Variants in CNTFR observed in about 807,000 individuals in gnomAD.
CNTFR encodes the protein ciliary neurotrophic factor receptor.
CNTFR carries 12 observed loss-of-function variants against 40.4 expected under a neutral mutation model. That is an observed-to-expected ratio of 0.30 (90% CI 0.19 to 0.48). CNTFR has a LOEUF of 0.48. Ranked by LOEUF, CNTFR falls within the 20% of genes least tolerant of loss-of-function variation. The pLI is 0.99. For missense variants in CNTFR, 414 were observed against 506.8 expected (o/e 0.82, Z 1.76); for synonymous variants, 202 against 209.6 (o/e 0.96, Z 0.31).
At chr9:34,590,164 GCGCA>G, upstream of CNTFR, 2 of 145,184 alleles carry the variant, frequency 1.4e-5, no homozygotes, top group Non-Finnish European at 2.9e-5. Flanking sequence ...AAACGCGCGC[GCGCA>G]CACACACACA....
chr9:34,558,054 T>G (rs1384524870), intron 4 of CNTFR, 70 bp from the exon 5 acceptor site: 1 of 1,115,244 alleles, frequency 9.0e-7, no homozygotes, highest in Non-Finnish European at 1.2e-6. Context: ...TGGGGACAGG[T>G]GGGCCCCAGA....
chr9:34,558,003 TG>T lies in CNTFR; in HGVS notation c.320-20del, dbSNP rs1331889232. 9 of 1,503,154 alleles carry T rather than the reference TG, an allele frequency of 6.0e-6. No homozygotes were observed. The highest frequency in any genetic ancestry group is 8.0e-6 in the Non-Finnish European group (9 of 1,119,502). The allele number at this position is 1,503,154 out of a possible 1,614,324, so 93.1% of individuals were successfully genotyped here. A position where few individuals can be genotyped will look rare whatever the true frequency, so the allele number is the denominator to read the frequency against. On this transcript the variant is annotated intron_variant, in intron 4 of 9. Coordinates refer to ENST00000378980, the MANE Select transcript of CNTFR (RefSeq NM_147164.3). ...GGCGGCACTGGGGGTGAGGACAGTA[TG>T]GTCAGGGCATTCTTGGAGCTCCCAG... is the stretch of plus-strand genomic sequence containing the variant.
At chr9:34,560,038 C>T (rs963073795) in intron 4 of CNTFR, among the ~76,000 whole-genome samples, 11 of 152,240 alleles carry the variant, frequency 7.2e-5, no homozygotes, top group African/African-American at 2.2e-4. Flanking sequence ...GCTACTCCTG[C>T]CTGGCCCTGG....
At position 34,557,893 on chromosome 9, in the gene CNTFR, A is replaced by G; in HGVS notation, c.411T>C (p.Ile137=). The G allele has an allele frequency of 6.4e-7, 1 of 1,571,178 alleles. No individual in the cohort carries two copies. The highest frequency in any genetic ancestry group is 8.6e-7 in the Non-Finnish European group (1 of 1,157,518). ...GCACAGTCACATTGAAGGTGTTGGGAATGTAGGTGGGGGTGGGCAGATGCC... is the reference window on the plus strand; with the variant it reads ...GCACAGTCACATTGAAGGTGTTGGGGATGTAGGTGGGGGTGGGCAGATGCC... ...CSWHLPTPTY[I]PNTFNVTVLH... Residue 137 remains isoleucine (I), a synonymous_variant, in exon 5 of 10, where the codon ATT becomes ATC. Coordinates refer to ENST00000378980, the MANE Select transcript of CNTFR (RefSeq NM_147164.3). This position sits in a 1 kb window ranked among gnomAD's most constrained non-coding sequence, Gnocchi z 4.2.
At chr9:34,555,147 AG>A (rs1825783686) in intron 7 of CNTFR, among the ~76,000 whole-genome samples, 1 of 152,016 alleles carries the variant, frequency 6.6e-6, no homozygotes. Context: ...TTAGCGGGGG[AG>A]GGGGGCTTGT....
chr9:34,574,136 G>T (rs951039574), intron 2 of CNTFR, among the ~76,000 whole-genome samples: 1 of 152,068 alleles, frequency 6.6e-6, no homozygotes, highest in Admixed American at 6.5e-5. Flanking sequence ...AGAGGCTTGG[G>T]GGGTGGGGGG....
At chr9:34,565,954 G>A (rs1247305812) in intron 3 of CNTFR, among the ~76,000 whole-genome samples, 2 of 151,982 alleles carry the variant, frequency 1.3e-5, no homozygotes, top group African/African-American at 4.8e-5. Context: ...GTTGGGGTGG[G>A]GGGCTGCGGG....
At chr9:34,588,842 G>A (rs997945989) in intron 1 of CNTFR, among the ~76,000 whole-genome samples, 3 of 152,090 alleles carry the variant, frequency 2.0e-5, no homozygotes, top group African/African-American at 7.2e-5. Flanking sequence ...ACTACTCGGA[G>A]CAACACAGGG....
At chr9:34,565,322 C>T (rs1009498705) in intron 3 of CNTFR, among the ~76,000 whole-genome samples, 3 of 152,076 alleles carry the variant, frequency 2.0e-5, no homozygotes, top group African/African-American at 7.3e-5. Flanking sequence ...CTCCTTATCT[C>T]TTTCTCTTCC....
At chr9:34,577,936 G>GCTGGGCGGC (rs1386750220) in intron 2 of CNTFR, among the ~76,000 whole-genome samples, 5 of 151,252 alleles carry the variant, frequency 3.3e-5, no homozygotes, top group Admixed American at 6.6e-5. Context: ...GGCTGGGCGG[G>GCTGGGCGGC]CTGGCGGGCG....
Position 34,552,494 on chromosome 9 carries a change from A to T in CNTFR, c.950-165T>A, listed in dbSNP as rs1482992539. Among the ~76,000 whole-genome samples, 1 of 151,942 alleles carries T rather than the reference A, an allele frequency of 6.6e-6. No individual in the cohort carries two copies. The highest frequency in any genetic ancestry group is 6.6e-5 in the Admixed American group (1 of 15,258). ...TCACAGATAACCCCTCCACCCAATG[A>T]CCCCTACCAAGGATGTCCAGATAGC... On this transcript the variant is annotated intron_variant, in intron 8 of 9. Coordinates refer to ENST00000378980, the MANE Select transcript of CNTFR (RefSeq NM_147164.3). This position sits in a 1 kb window ranked among gnomAD's most constrained non-coding sequence, Gnocchi z 5.1.
chr9:34,573,073 C>T (rs1826757683), intron 2 of CNTFR, among the ~76,000 whole-genome samples: 1 of 152,194 alleles, frequency 6.6e-6, no homozygotes, highest in Non-Finnish European at 1.5e-5. Flanking sequence ...GTCAGGAACC[C>T]CTGTTACCCA....
intron 2 of CNTFR, among the ~76,000 whole-genome samples, chr9:34,573,985 C>T (rs1826815128): frequency 1.3e-5 from 2 of 152,158 alleles, no homozygotes; most frequent in Non-Finnish European, 2.9e-5. Context: ...GAGGGGGGAG[C>T]CTGGAAGAGA....
At chr9:34,579,697 G>A (rs1827190546) in intron 2 of CNTFR, among the ~76,000 whole-genome samples, 1 of 152,112 alleles carries the variant, frequency 6.6e-6, no homozygotes, top group Non-Finnish European at 1.5e-5. Flanking sequence ...TGGGCAGCAG[G>A]GAGAAGCCCA....
At chr9:34,554,111 G>C (rs1403336590) in intron 7 of CNTFR, among the ~76,000 whole-genome samples, 1 of 152,144 alleles carries the variant, frequency 6.6e-6, no homozygotes, top group East Asian at 1.9e-4. Context: ...CCCAGACCCT[G>C]GGCTCAGTAA....
At position 34,557,053 on chromosome 9, in the gene CNTFR, A is replaced by C. The variant is rs982001082; in HGVS notation, c.604+473T>G. On this transcript the variant is annotated intron_variant, in intron 6 of 9. Coordinates refer to ENST00000378980, the MANE Select transcript of CNTFR (RefSeq NM_147164.3). This position sits in a 1 kb window ranked among gnomAD's most constrained non-coding sequence, Gnocchi z 4.2. ...TGGGGCGGGGGAATAGCAGGCAGAG[A>C]GCCTGCCTGGAATAGGGCAGGGGCA... 1.5e-5 allele frequency among the ~76,000 whole-genome samples: 2 copies of C among 131,390 alleles called. No individual in the cohort carries two copies. Among genetic ancestry groups the C allele is most frequent in the African/African-American group, 5.9e-5 (2 of 34,082 alleles). The allele number at this position is 131,390 out of a possible 152,430, so 86.2% of individuals were successfully genotyped here. A position where few individuals can be genotyped will look rare whatever the true frequency, so the allele number is the denominator to read the frequency against.
At chr9:34,555,564 T>C (rs906586141) in intron 7 of CNTFR, among the ~76,000 whole-genome samples, 23 of 151,992 alleles carry the variant, frequency 1.5e-4, no homozygotes, top group South Asian at 4.1e-4. Flanking sequence ...ATCCAGACCA[T>C]AGTCTGACCC....
intron 6 of CNTFR, 73 bp from the exon 7 acceptor site, chr9:34,556,491 TGTTG>T: frequency 1.4e-6 from 2 of 1,450,704 alleles, no homozygotes; most frequent in Non-Finnish European, 1.9e-6. Context: ...CCAGCCACCA[TGTTG>T]ACCCTCTCAT....
At position 34,563,946 on chromosome 9, in the gene CNTFR, ATGATC is replaced by A. The variant is rs535222181; in HGVS notation, c.319+648_319+652del. On this transcript the variant is annotated intron_variant, in intron 4 of 9. Transcript: ENST00000378980. ...ATGTCACTGCCCAGCTTGCAGGATC[ATGATC>A]TGCCCCCCGTCCCTTCCTTCAGCTC... is the stretch of plus-strand genomic sequence containing the variant. Among the ~76,000 whole-genome samples the A allele has an allele frequency of 1.2e-4, 18 of 152,246 alleles. No homozygotes were observed. The South Asian group carries it at 3.7e-3, about 32-fold the overall frequency.
Sources: allele counts gnomAD v4.1 joint callset (sites outside exome capture counted in the v4.1 genomes callset), GRCh38; gene constraint gnomAD v4.1.1; non-coding constraint Gnocchi (gnomAD v3.1); transcripts MANE v1.5; gene names NCBI Gene and HGNC (gene_info 2026-07-23, HGNC 2026-07-21).